USP13: variants seen among roughly 807,000 people sequenced by gnomAD.
The protein encoded by USP13 is ubiquitin specific peptidase 13.
Under a neutral mutation model 107.8 loss-of-function variants are expected in USP13, and 68 were observed. The ratio of observed to expected loss-of-function variants is 0.63; its 90% CI spans 0.52 to 0.77. USP13 has a LOEUF of 0.77. Ranked by LOEUF, USP13 falls within the 30% of genes least tolerant of loss-of-function variation. The pLI is 0.00. For synonymous variants in USP13, 377 were observed against 389.5 expected, an observed-to-expected ratio of 0.97 and a Z score of 0.38; for missense variants, 945 against 1,093.3, an observed-to-expected ratio of 0.86 and a Z score of 1.91.
At chr3:179,672,390 C>CTTT (rs1231843720) in intron 1 of USP13, among the ~76,000 whole-genome samples, 1 of 139,400 alleles carries the variant, frequency 7.2e-6, no homozygotes, top group African/African-American at 2.6e-5. Context: ...CTTTTTTTTT[C>CTTT]TTTTTTTTTT....
chr3:179,656,866 A>G (rs1012567229), intron 1 of USP13, among the ~76,000 whole-genome samples: 6 of 152,204 alleles, frequency 3.9e-5, no homozygotes, highest in Admixed American at 6.5e-5. Context: ...CATCTGGTAT[A>G]TATACCAGGA....
At chr3:179,745,009 G>T (rs368669341) in intron 12 of USP13, 34 bp from the exon 13 acceptor site, 8 of 1,612,692 alleles carry the variant, frequency 5.0e-6, no homozygotes, top group Non-Finnish European at 6.8e-6. Context: ...GGGTAAGAGC[G>T]ATTGCAAGGT....
intron 1 of USP13, among the ~76,000 whole-genome samples, chr3:179,681,316 A>G (rs1711645322): frequency 6.6e-6 from 1 of 152,142 alleles, no homozygotes; most frequent in Non-Finnish European, 1.5e-5. Flanking sequence ...GCTAACGCTA[A>G]AAATTCTCTC....
At chr3:179,688,488 A>C (rs991499147) in intron 2 of USP13, among the ~76,000 whole-genome samples, 1 of 152,256 alleles carries the variant, frequency 6.6e-6, no homozygotes, top group African/African-American at 2.4e-5. Context: ...GAGCTCCAGC[A>C]TAGAATCTGA....
intron 19 of USP13, among the ~76,000 whole-genome samples, chr3:179,774,136 A>C (rs1560082768): frequency 6.6e-6 from 1 of 152,190 alleles, no homozygotes; most frequent in South Asian, 2.1e-4. Context: ...GTCACGTGGC[A>C]AGAGAGAGAA....
In USP13 at chr3:179,766,455, A is replaced by C. The variant is rs368227665; in HGVS notation, c.2413+607A>C. Among the ~76,000 whole-genome samples the C allele has an allele frequency of 3.4e-3, 517 of 152,294 alleles. 1 individual carries two copies. The highest frequency in any genetic ancestry group is 0.012 in the African/African-American group (497 of 41,556). Reference sequence around the variant, plus strand: ...TTCATGGACCATGGGAGCTTTTGTCAAAAAGAGAACATTTGTTTTCATGGT... The same window carrying C: ...TTCATGGACCATGGGAGCTTTTGTCCAAAAGAGAACATTTGTTTTCATGGT... On this transcript the variant is annotated intron_variant, in intron 19 of 20. Coordinates refer to ENST00000263966, the MANE Select transcript of USP13 (RefSeq NM_003940.3).
chr3:179,779,504 T>A (rs758485119), intron 19 of USP13, among the ~76,000 whole-genome samples: 19 of 151,972 alleles, frequency 1.3e-4, no homozygotes, highest in South Asian at 6.2e-4. Flanking sequence ...CACTCCAGAC[T>A]GGGTGACAGA....
At chr3:179,662,719 C>G (rs1720489390) in intron 1 of USP13, among the ~76,000 whole-genome samples, 1 of 152,144 alleles carries the variant, frequency 6.6e-6, no homozygotes, top group African/African-American at 2.4e-5. Flanking sequence ...TAAAGTTGTA[C>G]CATTTTTAGA....
intron 10 of USP13, among the ~76,000 whole-genome samples, chr3:179,732,030 T>C (rs1473565470): frequency 6.7e-6 from 1 of 150,276 alleles, no homozygotes; most frequent in African/African-American, 2.5e-5. Flanking sequence ...AGAGGCAGCC[T>C]TGGGGATGGG....
chr3:179,704,066 C>T (rs1241406743), intron 4 of USP13, among the ~76,000 whole-genome samples: 2 of 151,980 alleles, frequency 1.3e-5, no homozygotes, highest in Non-Finnish European at 2.9e-5. Context: ...GATAACATAT[C>T]CAGGGAAAAA....
rs1715978565 is a variant in USP13 at position 179,788,688 on chromosome 3, C to T, written c.*4547C>T. On this transcript the variant is annotated 3_prime_UTR_variant, in exon 21 of 21. Transcript: ENST00000263966. ...ATTTTTATTTTTTTAAAAATGTGGCCCCTAAAGAACTTCAAATTAGACATG... is the reference window on the plus strand; with the variant it reads ...ATTTTTATTTTTTTAAAAATGTGGCTCCTAAAGAACTTCAAATTAGACATG... The T allele has an allele frequency of 6.6e-6, 1 of 151,554 alleles. No homozygotes were observed. The highest frequency in any genetic ancestry group is 2.4e-5 in the African/African-American group (1 of 41,166). 9.4% of individuals were successfully genotyped at this position (151,554 alleles called of 1,614,324 possible).
At chr3:179,657,018 G>C (rs1720285029) in intron 1 of USP13, among the ~76,000 whole-genome samples, 1 of 152,158 alleles carries the variant, frequency 6.6e-6, no homozygotes, top group South Asian at 2.1e-4. Flanking sequence ...TGATTGTTGG[G>C]GACAGTCGTG....
At chr3:179,696,535 G>A (rs186375097) in intron 3 of USP13, among the ~76,000 whole-genome samples, 3 of 152,214 alleles carry the variant, frequency 2.0e-5, no homozygotes, top group Non-Finnish European at 4.4e-5. Context: ...GTTTCGCCAT[G>A]TTGGCAAAAC....
At chr3:179,667,906 C>G (rs1720633474) in intron 1 of USP13, among the ~76,000 whole-genome samples, 1 of 152,140 alleles carries the variant, frequency 6.6e-6, no homozygotes, top group African/African-American at 2.4e-5. Flanking sequence ...CTTTGGCCTG[C>G]CGAAGTGCTG....
At chr3:179,675,800 G>A (rs1720877266) in intron 1 of USP13, among the ~76,000 whole-genome samples, 1 of 152,062 alleles carries the variant, frequency 6.6e-6, no homozygotes. Context: ...TGCCCATCTT[G>A]GCCTCCCAAA....
intron 15 of USP13, among the ~76,000 whole-genome samples, chr3:179,755,954 T>C (rs746593542): frequency 3.9e-5 from 6 of 152,100 alleles, no homozygotes; most frequent in Non-Finnish European, 8.8e-5. Flanking sequence ...TGCTAAATTA[T>C]AGAGAAAGAG....
chr3:179,719,138 G>A (rs1021074344), intron 6 of USP13, among the ~76,000 whole-genome samples: 26 of 152,092 alleles, frequency 1.7e-4, no homozygotes, highest in Admixed American at 1.6e-3. Flanking sequence ...ATTATTATCC[G>A]GAGGAAAGAG....
intron 1 of USP13, among the ~76,000 whole-genome samples, chr3:179,673,536 A>G (rs576041366): frequency 1.3e-5 from 2 of 152,214 alleles, no homozygotes; most frequent in Non-Finnish European, 2.9e-5. Flanking sequence ...TGGGTTTCTC[A>G]TAGCGATAGA....
At chr3:179,683,605 A>C (rs1187996451) in intron 2 of USP13, among the ~76,000 whole-genome samples, 1 of 152,164 alleles carries the variant, frequency 6.6e-6, no homozygotes, top group Non-Finnish European at 1.5e-5. Flanking sequence ...ATCAGATCTC[A>C]TGAGACTCGT....
Sources: gnomAD v4.1 joint callset for allele counts (sites outside exome capture counted in the v4.1 genomes callset) on GRCh38, gnomAD v4.1.1 for gene constraint, MANE v1.5 for transcripts, NCBI Gene and HGNC (gene_info 2026-07-23, HGNC 2026-07-21) for gene names.